Variants in NRG4 observed in about 807,000 individuals in gnomAD.
The protein encoded by NRG4 is pro-neuregulin-4, membrane-bound isoform.
NRG4 carries 10 observed loss-of-function variants against 15.0 expected under a neutral mutation model. The observed-to-expected ratio is 0.67, with a 90% CI of 0.41 to 1.13. The LOEUF (loss-of-function observed/expected upper bound fraction) is 1.13. Among genes scored for constraint, NRG4 ranks in the 50% most tolerant of loss-of-function variants. NRG4 has a pLI of 0.00. For synonymous variants in NRG4, 41 were observed against 50.1 expected, an observed-to-expected ratio of 0.82 and a Z score of 0.77; for missense variants, 139 against 140.2, an observed-to-expected ratio of 0.99 and a Z score of 0.04.
intron 2 of NRG4, among the ~76,000 whole-genome samples, chr15:76,055,511 T>C (rs953396739): frequency 3.9e-5 from 6 of 152,192 alleles, no homozygotes; most frequent in Admixed American, 6.5e-5. Flanking sequence ...GTTGCGAACA[T>C]GAACTGTGCC....
At chr15:75,968,405 T>A (rs1478808791) in intron 3 of NRG4, among the ~76,000 whole-genome samples, 1 of 151,888 alleles carries the variant, frequency 6.6e-6, no homozygotes, top group Admixed American at 6.6e-5. Flanking sequence ...CTGGCCAACG[T>A]GGTGAAACCC....
chr15:76,004,110 A>C (rs866794000), intron 3 of NRG4, among the ~76,000 whole-genome samples: 3 of 152,242 alleles, frequency 2.0e-5, no homozygotes, highest in Non-Finnish European at 4.4e-5. Flanking sequence ...ATATATAAAA[A>C]TATAATTTTG....
intron 3 of NRG4, among the ~76,000 whole-genome samples, chr15:75,965,412 A>G (rs1044855159): frequency 6.6e-5 from 10 of 152,180 alleles, no homozygotes; most frequent in African/African-American, 2.2e-4. Context: ...TTGTTCTATT[A>G]TCTTACAGCT....
chr15:75,991,097 A>G (rs1463387977), intron 3 of NRG4, among the ~76,000 whole-genome samples: 2 of 152,192 alleles, frequency 1.3e-5, no homozygotes, highest in African/African-American at 4.8e-5. Context: ...TATTTCTGCT[A>G]TAATTTTATC....
intron 3 of NRG4, among the ~76,000 whole-genome samples, chr15:75,964,810 C>T (rs2032710068): frequency 6.6e-6 from 1 of 152,100 alleles, no homozygotes; most frequent in Non-Finnish European, 1.5e-5. Context: ...CCTGTAGTCA[C>T]AACTACTCAG....
At chr15:76,000,236 T>C (rs1481889474) in intron 3 of NRG4, among the ~76,000 whole-genome samples, 1 of 152,048 alleles carries the variant, frequency 6.6e-6, no homozygotes, top group Non-Finnish European at 1.5e-5. Context: ...TTAAAAAAAA[T>C]TGATAGATTT....
chr15:75,960,917 TATTTAATACCAC>T (rs2032484161), intron 4 of NRG4, among the ~76,000 whole-genome samples: 1 of 152,190 alleles, frequency 6.6e-6, no homozygotes, highest in Non-Finnish European at 1.5e-5. Flanking sequence ...TGGAATAAAC[TATTTAATACCAC>T]ATATTTTTAA....
chr15:76,037,924 AATACTAGACAC>A (rs1567123106), intron 4 of NRG4, among the ~76,000 whole-genome samples: 5 of 107,166 alleles, frequency 4.7e-5, no homozygotes, highest in African/African-American at 1.5e-4. Context: ...AGTCGGATAC[AATACTAGACAC>A]AATACTAGAC....
At chr15:76,049,859 T>G (rs763933757) in intron 4 of NRG4, among the ~76,000 whole-genome samples, 1 of 150,892 alleles carries the variant, frequency 6.6e-6, no homozygotes, top group Non-Finnish European at 1.5e-5. Context: ...CTCCCATCCT[T>G]CTCTCTAGTC....
intron 5 of NRG4, among the ~76,000 whole-genome samples, chr15:76,027,047 G>A (rs2035336354): frequency 6.6e-6 from 1 of 152,072 alleles, no homozygotes; most frequent in Non-Finnish European, 1.5e-5. Flanking sequence ...TATGAGCCCG[G>A]GAGGCAGAGC....
intron 5 of NRG4, among the ~76,000 whole-genome samples, chr15:75,954,279 G>T (rs11638987): frequency 0.011 from 1,162 of 109,796 alleles, 11 homozygotes; most frequent in South Asian, 0.019. Context: ...TTTTTTTTTT[G>T]ATCTCAGACA....
At chr15:75,959,135 C>T (rs1055375162) in intron 4 of NRG4, 2 of 419,090 alleles carry the variant, frequency 4.8e-6, no homozygotes, top group Non-Finnish European at 4.8e-6. Flanking sequence ...GCATGTGTTA[C>T]CACACCTGGA....
rs1319150394 is a variant in NRG4 at position 75,942,617 on chromosome 15, C to A, written c.*1021G>T. On this transcript the variant is annotated 3_prime_UTR_variant, in exon 6 of 6. Coordinates refer to ENST00000394907, the MANE Select transcript of NRG4 (RefSeq NM_138573.4). ...GAATGAATTGGTGACACTAGTGACC[C>A]ACTGAATTCACAGCACTTACACTGG... 1.3e-5 allele frequency: 2 copies of A among 152,164 alleles called. No individual in the cohort carries two copies. Among genetic ancestry groups the A allele is most frequent in the Non-Finnish European group, 2.9e-5 (2 of 68,032 alleles). The allele number at this position is 152,164 out of a possible 1,614,324, so 9.4% of individuals were successfully genotyped here. A position where few individuals can be genotyped will look rare whatever the true frequency, so the allele number is the denominator to read the frequency against.
rs1007423585 is a variant in NRG4 at position 76,051,421 on chromosome 15, G to A, written c.-105+646C>T. ...TTCCCAAAGTGCTGTGATTATAGGCGTGAGTCACTGTGTTCAGCCTAAAAG... is the reference window on the plus strand; with the variant it reads ...TTCCCAAAGTGCTGTGATTATAGGCATGAGTCACTGTGTTCAGCCTAAAAG... On this transcript the variant is annotated intron_variant, in intron 4 of 8. Transcript: ENST00000563910. Among the ~76,000 whole-genome samples, 3 of 150,770 alleles carry A rather than the reference G, an allele frequency of 2.0e-5. 1 individual carries two copies. Among genetic ancestry groups the A allele is most frequent in the Non-Finnish European group, 4.4e-5 (3 of 67,864 alleles).
chr15:75,946,040 G>A (rs2031483117), intron 5 of NRG4, among the ~76,000 whole-genome samples: 1 of 152,182 alleles, frequency 6.6e-6, no homozygotes, highest in South Asian at 2.1e-4. Flanking sequence ...CACAAGCACT[G>A]TGATACTGCA....
At chr15:75,959,934 C>T (rs2032434764) in intron 4 of NRG4, among the ~76,000 whole-genome samples, 1 of 152,180 alleles carries the variant, frequency 6.6e-6, no homozygotes, top group East Asian at 1.9e-4. Context: ...ACCAGCAACA[C>T]TCAAGATGGT....
At chr15:76,003,066 C>T (rs978692191) in intron 3 of NRG4, among the ~76,000 whole-genome samples, 3 of 151,954 alleles carry the variant, frequency 2.0e-5, no homozygotes, top group Non-Finnish European at 4.4e-5. Context: ...CATGAAGGGC[C>T]ATAAAGTAAG....
intron 3 of NRG4, among the ~76,000 whole-genome samples, chr15:76,007,908 TCA>T (rs2034665805): frequency 6.6e-6 from 1 of 152,226 alleles, no homozygotes; most frequent in South Asian, 2.1e-4. Context: ...ACTTAATTTC[TCA>T]TTTTCCCCTT....
chr15:76,056,303 C>T (rs2036149219), intron 2 of NRG4, among the ~76,000 whole-genome samples: 1 of 151,118 alleles, frequency 6.6e-6, no homozygotes, highest in Non-Finnish European at 1.5e-5. Context: ...AAAAAAAATA[C>T]AAAATTAGCT....
Sources: allele counts gnomAD v4.1 joint callset (sites outside exome capture counted in the v4.1 genomes callset), GRCh38; gene constraint gnomAD v4.1.1; transcripts MANE v1.5; gene names NCBI Gene and HGNC (gene_info 2026-07-23, HGNC 2026-07-21).